The following EPG5 variants were observed in gnomAD, a reference collection of about 807,000 sequenced individuals.
EPG5 encodes the protein ectopic P-granules 5 autophagy tethering factor, also known as ectopic P granules protein 5 homolog.
In EPG5, 159 loss-of-function variants were observed where a neutral mutation model predicts 302.7. That is an observed-to-expected ratio of 0.53 (90% CI 0.46 to 0.60). The LOEUF (loss-of-function observed/expected upper bound fraction) is 0.60, where lower values mean the gene tolerates loss of function less well. Ranked by LOEUF, EPG5 falls within the 20% of genes least tolerant of loss-of-function variation. EPG5 has a pLI of 0.00. For missense variants in EPG5, 2,896 were observed against 3,092.4 expected (o/e 0.94, Z 1.51); for synonymous variants, 1,158 against 1,136.8 (o/e 1.02, Z -0.37).
chr18:45,830,882 G>C, the EPG5 span, among the ~76,000 whole-genome samples: 5 of 152,026 alleles, frequency 3.3e-5, no homozygotes, highest in Admixed American at 3.3e-4. Context: ...ACAGGCGTGA[G>C]CCACCGCGCT....
the EPG5 span, chr18:45,837,728 C>T: frequency 1.3e-5 from 19 of 1,504,936 alleles, no homozygotes; most frequent in African/African-American, 2.3e-4. Flanking sequence ...GGCGCTGAGC[C>T]TGCACGGCCG....
At chr18:45,949,187 C>T (rs952610562) in intron 5 of EPG5, among the ~76,000 whole-genome samples, 3 of 151,822 alleles carry the variant, frequency 2.0e-5, no homozygotes, top group Admixed American at 1.3e-4. Context: ...TTGAGTACCA[C>T]GGGAAAAAAG....
chr18:45,833,501 C>T, the EPG5 span, among the ~76,000 whole-genome samples: 3 of 151,938 alleles, frequency 2.0e-5, no homozygotes, highest in Non-Finnish European at 2.9e-5. Flanking sequence ...TTAGTAGAGA[C>T]GGGGTTTTAC....
intron 10 of EPG5, among the ~76,000 whole-genome samples, chr18:45,939,196 C>G (rs191042534): frequency 1.3e-5 from 2 of 152,328 alleles, no homozygotes; most frequent in East Asian, 3.9e-4. Flanking sequence ...AAACCCTTAC[C>G]GGAAGGCAAA....
In EPG5 at chr18:45,955,111, C is replaced by A. The variant is rs376360251; in HGVS notation, c.291G>T (p.Thr97=). ...CTTCCTTTGGGGGCTCTGTGTTACA[C>A]GTCAGGGACTCTTCATTGCTTATAG... ...SLTISNEESL[T]CNTEPPKEGG... The change falls in exon 2 of 44, where the codon ACG becomes ACT. Residue 97 remains threonine, a synonymous_variant. Coordinates refer to ENST00000282041, the MANE Select transcript of EPG5 (RefSeq NM_020964.3). 65 of 1,613,838 alleles carry A rather than the reference C, an allele frequency of 4.0e-5. No individual in the cohort carries two copies. The highest frequency in any genetic ancestry group is 5.0e-5 in the Admixed American group (3 of 59,996).
In EPG5 at chr18:45,952,491, C is replaced by A. The variant is rs1245845621; in HGVS notation, c.1161G>T (p.Val387=). ...QTLALHSYTS[V]LSRLQVESYI... ...AAGACTCCACTTGCAATCTTGAGAGCACAGAAGTATAAGAATGAAGGGCCA... is the reference window on the plus strand; with the variant it reads ...AAGACTCCACTTGCAATCTTGAGAGAACAGAAGTATAAGAATGAAGGGCCA... Residue 387 remains valine (V), a synonymous_variant, in exon 3 of 44, where the codon GTG becomes GTT. Coordinates refer to ENST00000282041, the MANE Select transcript of EPG5 (RefSeq NM_020964.3). The A allele has an allele frequency of 1.9e-6, 3 of 1,614,158 alleles. No homozygotes were observed. Among genetic ancestry groups the A allele is most frequent in the Admixed American group, 1.7e-5 (1 of 60,028 alleles).
At position 45,946,753 on chromosome 18, in the gene EPG5, A is replaced by C. The variant is rs1271787544; in HGVS notation, c.1587T>G (p.Phe529Leu). Reference sequence around the variant, plus strand: ...GCTCGCTGGGCTTCATGTGGCACATAAACTCAGCTCGATTTCTAAAGGACA... The same window carrying C: ...GCTCGCTGGGCTTCATGTGGCACATCAACTCAGCTCGATTTCTAAAGGACA... Reference protein sequence around the residue: ...LMSPVKNRAEFMCHMKPSERK... With the variant: ...LMSPVKNRAELMCHMKPSERK... Residue 529 changes from phenylalanine (F) to leucine (L), a missense_variant, in exon 7 of 44, where the codon TTT (phenylalanine) becomes TTG (leucine). Physicochemically the swap from Phe to Leu is conservative, Grantham distance 22 (BLOSUM62 0). This residue lies in a region of EPG5 where 1,390 missense variants were observed against 1,430.0 expected (regional missense o/e 0.97). Transcript: ENST00000282041. The C allele has an allele frequency of 1.2e-6, 2 of 1,614,210 alleles. No homozygotes were observed. The highest frequency in any genetic ancestry group is 4.5e-5 in the East Asian group (2 of 44,886).
intron 13 of EPG5, among the ~76,000 whole-genome samples, chr18:45,926,678 G>A (rs934218453): frequency 1.3e-5 from 2 of 151,936 alleles, no homozygotes; most frequent in Admixed American, 1.3e-4. Flanking sequence ...AATTAGCCAG[G>A]CATGGTGGCA....
At chr18:45,840,718 G>T in the EPG5 span, among the ~76,000 whole-genome samples, 18 of 152,316 alleles carry the variant, frequency 1.2e-4, no homozygotes, top group Non-Finnish European at 4.4e-5. Context: ...GAAGGAGAAA[G>T]AACTCAATTC....
At chr18:45,825,659 G>T in the EPG5 span, 4 of 1,552,066 alleles carry the variant, frequency 2.6e-6, no homozygotes, top group East Asian at 2.3e-5. Context: ...CCCCCACCAC[G>T]CCTGGGAGGG....
intron 35 of EPG5, among the ~76,000 whole-genome samples, chr18:45,875,183 T>C (rs952648487): frequency 2.0e-5 from 3 of 152,124 alleles, no homozygotes; most frequent in East Asian, 1.9e-4. Flanking sequence ...CTGGAGGACT[T>C]ACACACCCTC....
In EPG5 at chr18:45,917,754, C is replaced by T. The variant is rs560455554; in HGVS notation, c.3164G>A (p.Arg1055Lys). 5.0e-6 allele frequency: 8 copies of T among 1,614,070 alleles called. No individual in the cohort carries two copies. Among genetic ancestry groups the T allele is most frequent in the Non-Finnish European group, 5.9e-6 (7 of 1,179,926 alleles). The part of the protein sequence containing the change: ...LGILVQSRHL[R>K]TVVHVLDKIL... The stretch of plus-strand genomic sequence containing the variant: ...CTTATCCAGGACATGAACCACTGTT[C>T]TCAAATGTCTTGACTGGACCAGAAT... Residue 1055 changes from arginine (R) to lysine (K), a missense_variant, in exon 17 of 44, where the codon AGA (arginine) becomes AAA (lysine). Around this residue, in one of 5 missense-constraint regions of EPG5, gnomAD observed 1,390 missense variants for 1,430.0 expected, o/e 0.97. Transcript: ENST00000282041.
chr18:45,878,086 T>A (rs1172224788), intron 34 of EPG5, among the ~76,000 whole-genome samples: 1 of 152,186 alleles, frequency 6.6e-6, no homozygotes, highest in Non-Finnish European at 1.5e-5. Flanking sequence ...ACAGCATCAT[T>A]TTTTCTGAAA....
intron 19 of EPG5, 120 bp from the exon 20 acceptor site, chr18:45,915,741 C>T: frequency 1.3e-6 from 1 of 792,652 alleles, no homozygotes; most frequent in Non-Finnish European, 2.1e-6. Context: ...ACAGAGATTT[C>T]AAGGATGAGT....
intron 1 of EPG5, among the ~76,000 whole-genome samples, chr18:45,958,440 G>C (rs957145808): frequency 6.6e-6 from 1 of 151,054 alleles, no homozygotes; most frequent in African/African-American, 2.5e-5. Context: ...ACAAAGTACA[G>C]TAATAAAGAC....
At position 45,952,651 on chromosome 18, in the gene EPG5, A is replaced by AGG. The variant is rs148293118; in HGVS notation, c.1009-10_1009-9dup. On this transcript the variant is annotated splice_polypyrimidine_tract_variant and intron_variant, in intron 2 of 43. Transcript: ENST00000282041. Reference sequence around the variant, plus strand: ...TTGATCTGCACAGATACCCTACCAGAGGACAAAAAGGTACAATATGAAACC... The same window carrying AGG: ...TTGATCTGCACAGATACCCTACCAGAGGGGACAAAAAGGTACAATATGAAACC... The AGG allele has an allele frequency of 1.7e-4, 279 of 1,613,014 alleles. 2 individuals carry two copies. In the East Asian group the frequency reaches 5.7e-3, roughly 33 times the overall value.
intron 18 of EPG5, 97 bp downstream of exon 18, chr18:45,916,341 A>C (rs2050032154): frequency 6.5e-7 from 1 of 1,543,796 alleles, no homozygotes; most frequent in African/African-American, 1.4e-5. Flanking sequence ...CACTAAGCCA[A>C]GTGATCTGAA....
Position 45,928,900 on chromosome 18 carries a change from C to T in EPG5, c.2522G>A (p.Arg841Lys). The part of the protein sequence containing the change: ...HPEIISVLLD[R>K]VQETIDQVGM... Reference sequence around the variant, plus strand: ...AACCTGGTCAATGGTCTCTTGAACTCTATCCAGAAGGACGGAAATTATCTC... The same window carrying T: ...AACCTGGTCAATGGTCTCTTGAACTTTATCCAGAAGGACGGAAATTATCTC... Residue 841 changes from arginine (R) to lysine (K), a missense_variant, in exon 13 of 44, where the codon AGA becomes AAA. Physicochemically the swap from Arg to Lys is conservative, Grantham distance 26 (BLOSUM62 2). Around this residue, in one of 5 missense-constraint regions of EPG5, gnomAD observed 1,390 missense variants for 1,430.0 expected, o/e 0.97. Transcript: ENST00000282041. 1 of 1,613,954 alleles carries T rather than the reference C, an allele frequency of 6.2e-7. No individual in the cohort carries two copies. Among genetic ancestry groups the T allele is most frequent in the Non-Finnish European group, 8.5e-7 (1 of 1,179,972 alleles).
chr18:45,876,396 T>C (rs1049490637), intron 34 of EPG5, 54 bp from the exon 35 acceptor site: 1 of 1,435,598 alleles, frequency 7.0e-7, no homozygotes, highest in African/African-American at 1.4e-5. Flanking sequence ...AAAATACTGT[T>C]AAGTCCCAGT....
Sources: gnomAD v4.1 joint callset for allele counts (sites outside exome capture counted in the v4.1 genomes callset) on GRCh38, gnomAD v4.1.1 for gene constraint, gnomAD v4.1.1 regional missense constraint, MANE v1.5 for transcripts, NCBI Gene and HGNC (gene_info 2026-07-23, HGNC 2026-07-21) for gene names.